EIF2AK2: variants seen among roughly 807,000 people sequenced by gnomAD.
EIF2AK2 encodes the protein eukaryotic translation initiation factor 2 alpha kinase 2.
Under a neutral mutation model 70.5 loss-of-function variants are expected in EIF2AK2, and 40 were observed. The ratio of observed to expected loss-of-function variants is 0.57; its 90% CI spans 0.44 to 0.74. The LOEUF (loss-of-function observed/expected upper bound fraction) is 0.74. Ranked by LOEUF, EIF2AK2 falls within the 30% of genes least tolerant of loss-of-function variation. The pLI, the probability that EIF2AK2 is intolerant of heterozygous loss-of-function variation, is 0.00. For missense variants in EIF2AK2, 555 were observed against 644.3 expected, an observed-to-expected ratio of 0.86 and a Z score of 1.50; for synonymous variants, 198 against 220.9, an observed-to-expected ratio of 0.90 and a Z score of 0.92.
intron 8 of EIF2AK2, 37 bp downstream of exon 8, chr2:37,138,230 AAAT>A: frequency 6.8e-7 from 1 of 1,480,018 alleles, no homozygotes; most frequent in Non-Finnish European, 9.2e-7. Context: ...ACGCACAGAA[AAAT>A]AAGATTAAGT....
chr2:37,144,409 C>T (rs1050544069), intron 4 of EIF2AK2, among the ~76,000 whole-genome samples: 6 of 150,770 alleles, frequency 4.0e-5, no homozygotes, highest in Admixed American at 4.0e-4. Flanking sequence ...GCAGGTCCTT[C>T]GGTAGGTAAT....
At chr2:37,152,760 A>G (rs1251802614) in intron 1 of EIF2AK2, among the ~76,000 whole-genome samples, 1 of 152,186 alleles carries the variant, frequency 6.6e-6, no homozygotes, top group African/African-American at 2.4e-5. Flanking sequence ...AACCGCTCTG[A>G]GTTTCAGATC....
At chr2:37,133,642 C>T (rs540456929) in intron 10 of EIF2AK2, among the ~76,000 whole-genome samples, 4 of 152,310 alleles carry the variant, frequency 2.6e-5, no homozygotes, top group African/African-American at 9.6e-5. Context: ...CACCTTCAGC[C>T]TCTCTTGTGT....
intron 1 of EIF2AK2, among the ~76,000 whole-genome samples, chr2:37,156,705 G>A (rs1381076616): frequency 6.6e-6 from 1 of 152,194 alleles, no homozygotes; most frequent in African/African-American, 2.4e-5. Flanking sequence ...GATTTGGGGA[G>A]GGCCCCACAC....
At chr2:37,119,916 A>T (rs765268481) in intron 13 of EIF2AK2, 43 bp downstream of exon 13, 1 of 1,073,336 alleles carries the variant, frequency 9.3e-7, no homozygotes, top group Admixed American at 4.1e-5. Context: ...TAAAATTACT[A>T]TATTATATAT....
chr2:37,118,035 C>A (rs114033105), intron 13 of EIF2AK2, among the ~76,000 whole-genome samples: 1,787 of 152,106 alleles, frequency 0.012, 37 homozygotes, highest in African/African-American at 0.041. Context: ...AGGCCGGGTG[C>A]AGTGGAGCAC....
At position 37,104,738 on chromosome 2, in the gene EIF2AK2, A is replaced by G. The variant is rs1462254581; in HGVS notation, c.*2535T>C. On this transcript the variant is annotated 3_prime_UTR_variant, in exon 17 of 17. Transcript: ENST00000233057. Reference sequence around the variant, plus strand: ...ATGACACTGACTTTTTGAGAAGCCCAAGTCAATCATCTTATAGAATGACTA... The same window carrying G: ...ATGACACTGACTTTTTGAGAAGCCCGAGTCAATCATCTTATAGAATGACTA... 1 of 151,752 alleles carries G rather than the reference A, an allele frequency of 6.6e-6. No individual in the cohort carries two copies. Among genetic ancestry groups the G allele is most frequent in the Non-Finnish European group, 1.5e-5 (1 of 67,984 alleles). 9.4% of individuals were successfully genotyped at this position (151,752 alleles called of 1,614,324 possible). A position where few individuals can be genotyped will look rare whatever the true frequency, so the allele number is the denominator to read the frequency against.
At chr2:37,151,672 G>A (rs1675745596) in intron 1 of EIF2AK2, among the ~76,000 whole-genome samples, 1 of 152,158 alleles carries the variant, frequency 6.6e-6, no homozygotes, top group Non-Finnish European at 1.5e-5. Flanking sequence ...ATAGCCAAAA[G>A]GTGGAAACAA....
At chr2:37,123,268 A>T (rs1011453395) in intron 11 of EIF2AK2, among the ~76,000 whole-genome samples, 12 of 152,078 alleles carry the variant, frequency 7.9e-5, no homozygotes, top group African/African-American at 2.9e-4. Context: ...CATTTTAATT[A>T]ATTTATTTAT....
chr2:37,153,337 C>CTTTTTTTT (rs1553340565), intron 1 of EIF2AK2, among the ~76,000 whole-genome samples: 3 of 109,892 alleles, frequency 2.7e-5, no homozygotes, highest in Non-Finnish European at 3.7e-5. Flanking sequence ...CTCTGCTAAT[C>CTTTTTTTT]TTTTTTTTTT....
Position 37,100,023 on chromosome 2 carries a change from G to C in EIF2AK2, c.*7250C>G, listed in dbSNP as rs750024101. On this transcript the variant is annotated 3_prime_UTR_variant, in exon 17 of 17. Transcript: ENST00000233057. ...TACTAACGGGCATAGGGTTTCTTTT[G>C]GGGGTGAGAAAAATGATAGTTGCAC... 1 of 152,140 alleles carries C rather than the reference G, an allele frequency of 6.6e-6. No individual in the cohort carries two copies. The highest frequency in any genetic ancestry group is 1.5e-5 in the Non-Finnish European group (1 of 68,044). 9.4% of individuals were successfully genotyped at this position (152,140 alleles called of 1,614,324 possible). A position where few individuals can be genotyped will look rare whatever the true frequency, so the allele number is the denominator to read the frequency against.
intron 4 of EIF2AK2, among the ~76,000 whole-genome samples, chr2:37,143,265 C>T (rs1343883572): frequency 6.7e-6 from 1 of 149,086 alleles, no homozygotes; most frequent in Non-Finnish European, 1.5e-5. Flanking sequence ...CTGGGTGGTT[C>T]TAAATTTTCC....
intron 4 of EIF2AK2, 99 bp from the exon 5 acceptor site, chr2:37,141,800 A>C (rs2148705501): frequency 2.4e-6 from 3 of 1,245,894 alleles, no homozygotes; most frequent in Middle Eastern, 4.9e-4. Flanking sequence ...AGCAATTTGA[A>C]AGACAACTTG....
intron 13 of EIF2AK2, among the ~76,000 whole-genome samples, chr2:37,115,838 G>A (rs1348432288): frequency 6.6e-6 from 1 of 151,836 alleles, no homozygotes; most frequent in South Asian, 2.1e-4. Context: ...AACTAGCTCT[G>A]AAATATTTTT....
At chr2:37,141,497 C>A (rs1436807579) in intron 5 of EIF2AK2, 56 bp downstream of exon 5, 3 of 1,576,256 alleles carry the variant, frequency 1.9e-6, no homozygotes, top group Non-Finnish European at 1.7e-6. Context: ...CGAAAATAAA[C>A]CAACTTTATT....
intron 3 of EIF2AK2, among the ~76,000 whole-genome samples, chr2:37,147,306 C>CT (rs142368234): frequency 4.0e-5 from 6 of 149,382 alleles, no homozygotes; most frequent in Admixed American, 1.3e-4. Flanking sequence ...TATCTTTTTT[C>CT]TTTTTTTTTT....
chr2:37,143,352 G>C (rs995317300), intron 4 of EIF2AK2, among the ~76,000 whole-genome samples: 1 of 151,926 alleles, frequency 6.6e-6, no homozygotes, highest in South Asian at 2.1e-4. Context: ...AATCTCTTCA[G>C]ATCATTTTCT....
rs543298964 is a variant in EIF2AK2, at chr2:37,112,192, T to C, written c.1377+2539A>G. 1.4e-4 allele frequency among the ~76,000 whole-genome samples: 22 copies of C among 152,148 alleles called. 1 individual carries two copies. In the South Asian group the frequency reaches 3.3e-3, roughly 23 times the overall value. ...GCCTTGAGGACGGCAGTGACTCAGA[T>C]AGCATTTTTCCTACAGCCTGGGTCT... is the stretch of plus-strand genomic sequence containing the variant. On this transcript the variant is annotated intron_variant, in intron 14 of 16. Coordinates refer to ENST00000233057, the MANE Select transcript of EIF2AK2 (RefSeq NM_001135651.3).
chr2:37,102,330 T>C lies in EIF2AK2; in HGVS notation c.*4943A>G, dbSNP rs950097299. On this transcript the variant is annotated 3_prime_UTR_variant, in exon 17 of 17. Coordinates refer to ENST00000233057, the MANE Select transcript of EIF2AK2 (RefSeq NM_001135651.3). ...TATTAAGAACGGTAAAGTATTGATA[T>C]TTGTTGCAGCTGGGTGATGGGTAGA... 1.3e-5 allele frequency: 2 copies of C among 152,140 alleles called. No individual in the cohort carries two copies. The highest frequency in any genetic ancestry group is 2.9e-5 in the Non-Finnish European group (2 of 68,024). 9.4% of individuals were successfully genotyped at this position (152,140 alleles called of 1,614,324 possible).
Sources: gnomAD v4.1 joint callset for allele counts (sites outside exome capture counted in the v4.1 genomes callset) on GRCh38, gnomAD v4.1.1 for gene constraint, MANE v1.5 for transcripts, NCBI Gene and HGNC (gene_info 2026-07-23, HGNC 2026-07-21) for gene names.